Variants in COL7A1 observed in about 807,000 individuals in gnomAD.
COL7A1 encodes collagen alpha-1(VII) chain.
COL7A1 carries 296 observed loss-of-function variants against 456.2 expected under a neutral mutation model. The observed-to-expected ratio is 0.65, with a 90% CI of 0.59 to 0.71. The LOEUF is 0.71. Ranked by LOEUF, COL7A1 falls within the 30% of genes least tolerant of loss-of-function variation. COL7A1 has a pLI of 0.00. For synonymous variants in COL7A1, 1,464 were observed against 1,525.9 expected, an observed-to-expected ratio of 0.96 and a Z score of 0.95; for missense variants, 3,441 against 4,017.2, an observed-to-expected ratio of 0.86 and a Z score of 3.88.
rs1402124316 is a variant in COL7A1 at position 48,575,469 on chromosome 3, G to T, written c.6050C>A (p.Pro2017His). 2 of 1,611,702 alleles carry T rather than the reference G, an allele frequency of 1.2e-6. No homozygotes were observed. Among genetic ancestry groups the T allele is most frequent in the African/African-American group, 1.3e-5 (1 of 74,996 alleles). ...DRGDPGPQGPPGLALGERGPP... is the reference protein window; with the variant it reads ...DRGDPGPQGPHGLALGERGPP... ...GCCCCTCTCCCCAAGGGCCAGACCA[G>T]GTGGCCCCTGAGGGCCAGGGTCTCC... Residue 2017 changes from proline to histidine, a missense_variant, in exon 74 of 119, where the codon CCT (proline) becomes CAT (histidine). This residue lies in a region of COL7A1 where 2,084 missense variants were observed against 2,501.3 expected (regional missense o/e 0.83). Transcript: ENST00000681320. The surrounding 1 kb of genome is among the most constrained non-coding windows in gnomAD (Gnocchi z 6.3).
At position 48,567,077 on chromosome 3, in the gene COL7A1, T is replaced by TGG. The variant is rs778646370; in HGVS notation, c.8109+50_8109+51insCC. On this transcript the variant is annotated intron_variant, in intron 110 of 118. Coordinates refer to ENST00000681320, the MANE Select transcript of COL7A1 (RefSeq NM_000094.4). This position sits in a 1 kb window ranked among gnomAD's most constrained non-coding sequence, Gnocchi z 4.3. Reference sequence around the variant, plus strand: ...TCAGAGGCCCCAGAGATGGACCCTCTCCCAAAGTGCACGCTCCCCTCAATT... The same window carrying TGG: ...TCAGAGGCCCCAGAGATGGACCCTCTGGCCCAAAGTGCACGCTCCCCTCAATT... The TGG allele has an allele frequency of 1.1e-5, 18 of 1,613,000 alleles. No individual in the cohort carries two copies. The highest frequency in any genetic ancestry group is 1.7e-5 in the Admixed American group (1 of 59,966).
Position 48,566,454 on chromosome 3 carries a change from C to A in COL7A1, c.8358+56G>T, listed in dbSNP as rs2043608546. 2 of 1,611,010 alleles carry A rather than the reference C, an allele frequency of 1.2e-6. No individual in the cohort carries two copies. Among genetic ancestry groups the A allele is most frequent in the Non-Finnish European group, 1.7e-6 (2 of 1,177,940 alleles). On this transcript the variant is annotated intron_variant, in intron 113 of 118. Transcript: ENST00000681320. This position sits in a 1 kb window ranked among gnomAD's most constrained non-coding sequence, Gnocchi z 5.9. ...GGGTGCTGGGTGAGGGAGGTAGGGCCCCAGCCCACCCAGGCCCACCCAGGC... is the reference window on the plus strand; with the variant it reads ...GGGTGCTGGGTGAGGGAGGTAGGGCACCAGCCCACCCAGGCCCACCCAGGC...
rs994931448 is a variant in COL7A1, at chr3:48,573,982, C to T, written c.6502-92G>A. The T allele has an allele frequency of 4.7e-6, 7 of 1,495,914 alleles. No homozygotes were observed. The African/African-American group carries it at 9.7e-5, about 21-fold the overall frequency. The allele number at this position is 1,495,914 out of a possible 1,614,324, so 92.7% of individuals were successfully genotyped here. The stretch of plus-strand genomic sequence containing the variant: ...GGCTTTTTCCTTGGGGGTCAATTTC[C>T]ATACCTCACCCTTTCCAGTCACAGA... On this transcript the variant is annotated intron_variant, in intron 80 of 118. Coordinates refer to ENST00000681320, the MANE Select transcript of COL7A1 (RefSeq NM_000094.4). The surrounding 1 kb of genome is among the most constrained non-coding windows in gnomAD (Gnocchi z 5.5).
At position 48,583,628 on chromosome 3, in the gene COL7A1, C is replaced by T. The variant is rs942776933; in HGVS notation, c.4342-13G>A. Reference sequence around the variant, plus strand: ...CCTCAGAGTCACCCTGAAGGAGAAACACACGGGTGGGAAGACCGAAGGGAG... The same window carrying T: ...CCTCAGAGTCACCCTGAAGGAGAAATACACGGGTGGGAAGACCGAAGGGAG... On this transcript the variant is annotated splice_polypyrimidine_tract_variant and intron_variant, in intron 40 of 118. Coordinates refer to ENST00000681320, the MANE Select transcript of COL7A1 (RefSeq NM_000094.4). The surrounding 1 kb of genome is among the most constrained non-coding windows in gnomAD (Gnocchi z 5.1). 1.2e-6 allele frequency: 2 copies of T among 1,613,938 alleles called. No homozygotes were observed. Among genetic ancestry groups the T allele is most frequent in the African/African-American group, 2.7e-5 (2 of 74,926 alleles).
Position 48,568,505 on chromosome 3 carries a change from AC to A in COL7A1, c.7787del (p.Gly2596ValfsTer35), listed in dbSNP as rs759990189. 216 of 1,606,020 alleles carry A rather than the reference AC, an allele frequency of 1.3e-4. No individual in the cohort carries two copies. Among genetic ancestry groups the A allele is most frequent in the Non-Finnish European group, 1.8e-4 (211 of 1,174,488 alleles). ...GGGAGCAGGGGCATCTTACCGGGTC[AC>A]CAGGGATCCCTGCTGCACCAGGTTG... ...QGQPGAAGIP[G>X]DPGSPGKDGV... On this transcript the variant is annotated frameshift_variant, in exon 105 of 119. Coordinates refer to ENST00000681320, the MANE Select transcript of COL7A1 (RefSeq NM_000094.4). LOFTEE classifies it high-confidence loss of function. The surrounding 1 kb of genome is among the most constrained non-coding windows in gnomAD (Gnocchi z 5.2).
In COL7A1 at chr3:48,586,990, A is replaced by C; in HGVS notation, c.3258T>G (p.Leu1086=). The change falls in exon 25 of 119, where the codon CTT becomes CTG. Residue 1086 remains leucine, a synonymous_variant. Transcript: ENST00000681320. This position sits in a 1 kb window ranked among gnomAD's most constrained non-coding sequence, Gnocchi z 5.1. ...LERLVLALGP[L]GPQAVQVGLL... is the part of the protein sequence containing the mutation. The stretch of plus-strand genomic sequence containing the variant: ...GCCAAACCTGAACTGCCTGTGGCCC[A>C]AGAGGCCCAAGTGCCAACACCAGAC... The C allele has an allele frequency of 6.3e-7, 1 of 1,597,670 alleles. No individual in the cohort carries two copies. The highest frequency in any genetic ancestry group is 8.5e-7 in the Non-Finnish European group (1 of 1,172,400).
At position 48,588,377 on chromosome 3, in the gene COL7A1, G is replaced by C; in HGVS notation, c.2615C>G (p.Thr872Arg). Reference sequence around the variant, plus strand: ...CTCCCCGCGCTGCACCACGTGAAGCGTCCCCAGGGCTGGCGGAGCCTCAGG... The same window carrying C: ...CTCCCCGCGCTGCACCACGTGAAGCCTCCCCAGGGCTGGCGGAGCCTCAGG... Reference protein sequence around the residue: ...TPPEAPPALGTLHVVQRGEHS... With the variant: ...TPPEAPPALGRLHVVQRGEHS... Residue 872 changes from threonine (T) to arginine (R), a missense_variant, in exon 21 of 119, where the codon ACG (threonine) becomes AGG (arginine). Physicochemically the swap from Thr to Arg is moderately conservative, Grantham distance 71. Coordinates refer to ENST00000681320, the MANE Select transcript of COL7A1 (RefSeq NM_000094.4). This position sits in a 1 kb window ranked among gnomAD's most constrained non-coding sequence, Gnocchi z 4.6. The C allele has an allele frequency of 6.2e-7, 1 of 1,611,704 alleles. No individual in the cohort carries two copies. The highest frequency in any genetic ancestry group is 8.5e-7 in the Non-Finnish European group (1 of 1,179,858).
chr3:48,582,408 C>T, intron 46 of COL7A1, 50 bp from the exon 47 acceptor site: 1 of 1,614,060 alleles, frequency 6.2e-7, no homozygotes, highest in Non-Finnish European at 8.5e-7. Flanking sequence ...CACCTAGGAG[C>T]CCAAAATCCC....
chr3:48,583,002 A>C lies in COL7A1; in HGVS notation c.4518+11T>G, dbSNP rs2044885371. The C allele has an allele frequency of 6.2e-7, 1 of 1,613,950 alleles. No homozygotes were observed. The highest frequency in any genetic ancestry group is 1.3e-5 in the African/African-American group (1 of 74,878). On this transcript the variant is annotated intron_variant, in intron 44 of 118. Transcript: ENST00000681320. This position sits in a 1 kb window ranked among gnomAD's most constrained non-coding sequence, Gnocchi z 5.1. ...GTCAGCTGGTATGAGCATTGCAGCC[A>C]GTGGGTTTACCCGGGATCCCGCTGG...
In COL7A1 at chr3:48,579,819, G is replaced by T. The variant is rs371686183; in HGVS notation, c.5125-5C>A. The T allele has an allele frequency of 1.2e-6, 2 of 1,614,024 alleles. No homozygotes were observed. The highest frequency in any genetic ancestry group is 1.7e-6 in the Non-Finnish European group (2 of 1,180,010). On this transcript the variant is annotated splice_polypyrimidine_tract_variant and splice_region_variant and intron_variant, in intron 57 of 118. Transcript: ENST00000681320. This position sits in a 1 kb window ranked among gnomAD's most constrained non-coding sequence, Gnocchi z 4.4. ...GGCTCCAGGTCCTGTGTCTACCTGT[G>T]GGGGGAATGACCAGTGAGAAGAATG...
rs1365872683 is a variant in COL7A1, at chr3:48,572,471, C to G, written c.6936+32G>C. The G allele has an allele frequency of 6.2e-7, 1 of 1,613,434 alleles. No individual in the cohort carries two copies. The highest frequency in any genetic ancestry group is 1.3e-5 in the African/African-American group (1 of 74,606). Reference sequence around the variant, plus strand: ...GATTCCTTGGCCCCCACCAGTTGACCCCCCCTCACTGGCAGCCCCACACAC... The same window carrying G: ...GATTCCTTGGCCCCCACCAGTTGACGCCCCCTCACTGGCAGCCCCACACAC... On this transcript the variant is annotated intron_variant, in intron 89 of 118. Coordinates refer to ENST00000681320, the MANE Select transcript of COL7A1 (RefSeq NM_000094.4). This position sits in a 1 kb window ranked among gnomAD's most constrained non-coding sequence, Gnocchi z 4.6.
chr3:48,574,021 T>G lies in COL7A1; in HGVS notation c.6502-131A>C. ...TCCAGTCACAGATAATACCTACCCATGGACTGCCTCTCATAGATAGCACAC... is the reference window on the plus strand; with the variant it reads ...TCCAGTCACAGATAATACCTACCCAGGGACTGCCTCTCATAGATAGCACAC... On this transcript the variant is annotated intron_variant, in intron 80 of 118. Transcript: ENST00000681320. This position sits in a 1 kb window ranked among gnomAD's most constrained non-coding sequence, Gnocchi z 5.0. 9 of 1,248,700 alleles carry G rather than the reference T, an allele frequency of 7.2e-6. No individual in the cohort carries two copies. The highest frequency in any genetic ancestry group is 1.0e-5 in the Non-Finnish European group (9 of 876,726). 77.4% of individuals were successfully genotyped at this position (1,248,700 alleles called of 1,614,324 possible).
rs200523730 is a variant in COL7A1 at position 48,588,330 on chromosome 3, C to G, written c.2662G>C (p.Glu888Gln). 242 of 1,612,728 alleles carry G rather than the reference C, an allele frequency of 1.5e-4. No individual in the cohort carries two copies. Among genetic ancestry groups the G allele is most frequent in the Non-Finnish European group, 1.9e-4 (219 of 1,179,988 alleles). The change falls in exon 21 of 119, where the codon GAG (glutamate) becomes CAG (glutamine). Residue 888 changes from glutamate (E) to glutamine (Q), a missense_variant. Coordinates refer to ENST00000681320, the MANE Select transcript of COL7A1 (RefSeq NM_000094.4). The surrounding 1 kb of genome is among the most constrained non-coding windows in gnomAD (Gnocchi z 4.6). ...AAGCCCTGCGCTCTGGGCACCGGCTCCCAGCGCAGCCTCAGCGAGTGCTCC... is the reference window on the plus strand; with the variant it reads ...AAGCCCTGCGCTCTGGGCACCGGCTGCCAGCGCAGCCTCAGCGAGTGCTCC... ...RGEHSLRLRW[E>Q]PVPRAQGFLL...
At position 48,580,895 on chromosome 3, in the gene COL7A1, T is replaced by G. The variant is rs772564191; in HGVS notation, c.4967A>C (p.Glu1656Ala). Reference protein sequence around the residue: ...GDPGLPGKAGERGLRGAPGVR... With the variant: ...GDPGLPGKAGARGLRGAPGVR... ...GCCAAGACTCACCCGAAGGCCACGC[T>G]CGCCTGCTTTTCCAGGCAAACCCGG... is the stretch of plus-strand genomic sequence containing the variant. The change falls in exon 54 of 119, where the codon GAG (glutamate) becomes GCG (alanine). Residue 1656 changes from glutamate to alanine, a missense_variant. Glu to Ala is a moderately radical substitution (Grantham distance 107). Transcript: ENST00000681320. The surrounding 1 kb of genome is among the most constrained non-coding windows in gnomAD (Gnocchi z 4.5). 6 of 1,613,864 alleles carry G rather than the reference T, an allele frequency of 3.7e-6. No homozygotes were observed. The highest frequency in any genetic ancestry group is 1.3e-5 in the African/African-American group (1 of 74,856).
chr3:48,594,402 G>C lies in COL7A1; in HGVS notation c.232C>G (p.Arg78Gly), dbSNP rs200381437. 6.2e-7 allele frequency: 1 copy of C among 1,611,522 alleles called. No homozygotes were observed. The highest frequency in any genetic ancestry group is 8.5e-7 in the Non-Finnish European group (1 of 1,180,030). The change falls in exon 3 of 119, where the codon CGC becomes GGC. Residue 78 changes from arginine to glycine, a missense_variant. Physicochemically the swap from Arg to Gly is moderately radical, Grantham distance 125. Coordinates refer to ENST00000681320, the MANE Select transcript of COL7A1 (RefSeq NM_000094.4). The surrounding 1 kb of genome is among the most constrained non-coding windows in gnomAD (Gnocchi z 5.5). ...TCGCTGTACTGCACTGTGGCAAAGC[G>C]CACACCCTGTGCACTGGCTGCTCCA... ...FSGAASAQGV[R>G]FATVQYSDDP... is the part of the protein sequence containing the mutation.
In COL7A1 at chr3:48,588,578, A is replaced by G. The variant is rs143994451; in HGVS notation, c.2587+64T>C. The G allele has an allele frequency of 1.2e-6, 2 of 1,612,792 alleles. No homozygotes were observed. The highest frequency in any genetic ancestry group is 2.2e-5 in the East Asian group (1 of 44,890). On this transcript the variant is annotated intron_variant, in intron 20 of 118. Transcript: ENST00000681320. This position sits in a 1 kb window ranked among gnomAD's most constrained non-coding sequence, Gnocchi z 4.6. The stretch of plus-strand genomic sequence containing the variant: ...TGGTCCTTTCTCCAATCCAGAGCAC[A>G]AGCCCGGATCCCCAAACCATCCACA...
At position 48,590,559 on chromosome 3, in the gene COL7A1, T is replaced by C; in HGVS notation, c.1806A>G (p.Pro602=). 6.2e-7 allele frequency: 1 copy of C among 1,614,152 alleles called. No homozygotes were observed. The highest frequency in any genetic ancestry group is 1.1e-5 in the South Asian group (1 of 91,078). Residue 602 remains proline (P), a synonymous_variant, in exon 15 of 119, where the codon CCA becomes CCG. Coordinates refer to ENST00000681320, the MANE Select transcript of COL7A1 (RefSeq NM_000094.4). This position sits in a 1 kb window ranked among gnomAD's most constrained non-coding sequence, Gnocchi z 4.6. The part of the protein sequence containing the change: ...RREPETPLAV[P]GLRVVVSDAT... ...CATCTGACACCACAACCCGCAGCCC[T>C]GGAACAGCAAGTGGAGTTTCCGGCT...
Position 48,583,504 on chromosome 3 carries a change from A to G in COL7A1, c.4401+52T>C. 6.2e-7 allele frequency: 1 copy of G among 1,613,534 alleles called. No homozygotes were observed. The highest frequency in any genetic ancestry group is 1.7e-5 in the Admixed American group (1 of 60,022). ...TGGAGCAGTGGTTGATGATTGAGGT[A>G]GGGGCTGGAGCTGTGCCCACCATAT... is the stretch of plus-strand genomic sequence containing the variant. On this transcript the variant is annotated intron_variant, in intron 41 of 118. Coordinates refer to ENST00000681320, the MANE Select transcript of COL7A1 (RefSeq NM_000094.4). This position sits in a 1 kb window ranked among gnomAD's most constrained non-coding sequence, Gnocchi z 5.1.
chr3:48,587,547 A>T lies in COL7A1; in HGVS notation c.2865T>A (p.Pro955=). The change falls in exon 23 of 119, where the codon CCT becomes CCA. Residue 955 remains proline, a synonymous_variant. Coordinates refer to ENST00000681320, the MANE Select transcript of COL7A1 (RefSeq NM_000094.4). This position sits in a 1 kb window ranked among gnomAD's most constrained non-coding sequence, Gnocchi z 6.1. ...CACGTAGTTCAATGCTTGGAACACG[A>T]GGTGACTCTGAAGGAGGAATGAAAG... is the stretch of plus-strand genomic sequence containing the variant. ...SAEVTARTES[P]RVPSIELRVV... 3 of 1,613,546 alleles carry T rather than the reference A, an allele frequency of 1.9e-6. No homozygotes were observed. Among genetic ancestry groups the T allele is most frequent in the Non-Finnish European group, 2.5e-6 (3 of 1,180,032 alleles).
Sources: allele counts gnomAD v4.1 joint callset, GRCh38; gene constraint gnomAD v4.1.1; regional missense constraint gnomAD v4.1.1; non-coding constraint Gnocchi (gnomAD v3.1); transcripts MANE v1.5; gene names NCBI Gene and HGNC (gene_info 2026-07-23, HGNC 2026-07-21).